Variants in PCDH15 observed in about 807,000 individuals in gnomAD.
The protein encoded by PCDH15 is protocadherin related 15.
PCDH15 carries 129 observed loss-of-function variants against 178.5 expected under a neutral mutation model. The observed-to-expected ratio is 0.72, with a 90% CI of 0.63 to 0.84. The LOEUF is 0.84. Among genes scored for constraint, PCDH15 ranks in the 40% least tolerant of loss-of-function variants. The pLI is 0.00. For missense variants in PCDH15, 2,230 were observed against 2,099.9 expected, an observed-to-expected ratio of 1.06 and a Z score of -1.21; for synonymous variants, 800 against 732.0, an observed-to-expected ratio of 1.09 and a Z score of -1.50.
intron 9 of PCDH15, 97 bp from the exon 10 acceptor site, chr10:54,214,145 A>G (rs1262779395): frequency 5.6e-6 from 4 of 714,514 alleles, no homozygotes; most frequent in Non-Finnish European, 1.0e-5. Context: ...GAACAAAGCT[A>G]CAATTTCATT....
intron 2 of PCDH15, among the ~76,000 whole-genome samples, chr10:55,620,223 A>C (rs1014213322): frequency 6.6e-6 from 1 of 152,120 alleles, no homozygotes; most frequent in African/African-American, 2.4e-5. Context: ...ATTGAAAAAC[A>C]TTCTTAAAGC....
chr10:53,833,175 C>T (rs780375794), intron 29 of PCDH15, among the ~76,000 whole-genome samples: 17 of 151,840 alleles, frequency 1.1e-4, no homozygotes, highest in Non-Finnish European at 2.2e-4. Flanking sequence ...AGAATCAGAT[C>T]CAGAAGAGGA....
chr10:54,441,289 C>T (rs1395413445), intron 3 of PCDH15, among the ~76,000 whole-genome samples: 3 of 151,852 alleles, frequency 2.0e-5, no homozygotes, highest in Non-Finnish European at 4.4e-5. Flanking sequence ...TACTATTCTA[C>T]CCCAATCAAC....
At chr10:54,813,214 T>C (rs943318283) in intron 3 of PCDH15, among the ~76,000 whole-genome samples, 3 of 152,194 alleles carry the variant, frequency 2.0e-5, no homozygotes, top group African/African-American at 7.2e-5. Context: ...CTAGGCACTT[T>C]TCTCAATACA....
intron 3 of PCDH15, among the ~76,000 whole-genome samples, chr10:54,397,038 TG>T (rs535921752): frequency 6.6e-6 from 1 of 152,136 alleles, no homozygotes; most frequent in Non-Finnish European, 1.5e-5. Context: ...GTTTCTGAAT[TG>T]CAATAAAGTC....
At chr10:54,008,196 A>C in intron 20 of PCDH15, among the ~76,000 whole-genome samples, 1 of 152,180 alleles carries the variant, frequency 6.6e-6, no homozygotes, top group Non-Finnish European at 1.5e-5. Flanking sequence ...TCTAGAGTTA[A>C]ATGTTAAGTT....
intron 2 of PCDH15, among the ~76,000 whole-genome samples, chr10:55,558,661 A>C (rs753132428): frequency 8.5e-5 from 13 of 152,134 alleles, no homozygotes; most frequent in Non-Finnish European, 1.3e-4. Context: ...AACACTATAC[A>C]TAACATTATC....
At chr10:53,899,893 T>A (rs377586788) in intron 26 of PCDH15, among the ~76,000 whole-genome samples, 1 of 152,350 alleles carries the variant, frequency 6.6e-6, no homozygotes. Context: ...TATTACTCCC[T>A]TCCGCTCGTA....
At chr10:54,211,002 A>C (rs2051371173) in intron 10 of PCDH15, among the ~76,000 whole-genome samples, 1 of 152,136 alleles carries the variant, frequency 6.6e-6, no homozygotes, top group Admixed American at 6.6e-5. Context: ...TGGCCTTAAT[A>C]ATTAATGACT....
chr10:54,640,015 G>T (rs1937391), intron 2 of PCDH15, among the ~76,000 whole-genome samples: 80,800 of 151,852 alleles, frequency 0.53, 21,536 homozygotes, highest in African/African-American at 0.54. Context: ...AGCCCAGGAG[G>T]TCAAAGCTGT....
intron 2 of PCDH15, among the ~76,000 whole-genome samples, chr10:54,604,649 C>T (rs2092673745): frequency 6.6e-6 from 1 of 151,798 alleles, no homozygotes; most frequent in Non-Finnish European, 1.5e-5. Context: ...TCATGTTTAA[C>T]TATGTGTGTC....
chr10:54,075,184 T>G (rs2094318494), intron 17 of PCDH15, among the ~76,000 whole-genome samples: 2 of 152,144 alleles, frequency 1.3e-5, no homozygotes, highest in Admixed American at 1.3e-4. Flanking sequence ...GAGACCATCC[T>G]GGCTAACACA....
intron 10 of PCDH15, among the ~76,000 whole-genome samples, chr10:54,209,582 A>G (rs573970400): frequency 6.6e-6 from 1 of 152,220 alleles, no homozygotes; most frequent in South Asian, 2.1e-4. Flanking sequence ...AAGGTTTGGA[A>G]TTTTTAAAGG....
intron 2 of PCDH15, among the ~76,000 whole-genome samples, chr10:55,352,369 A>G (rs1236663751): frequency 1.3e-5 from 2 of 152,132 alleles, no homozygotes; most frequent in Non-Finnish European, 2.9e-5. Flanking sequence ...TCAAACATGA[A>G]CGATGCATTT....
At chr10:54,045,181 A>C (rs1411102490) in intron 18 of PCDH15, among the ~76,000 whole-genome samples, 1 of 150,202 alleles carries the variant, frequency 6.7e-6, no homozygotes, top group East Asian at 1.9e-4. Context: ...ATGACAAATC[A>C]AGGGTTCAGG....
chr10:54,321,629 C>A (rs1286037337), intron 7 of PCDH15, among the ~76,000 whole-genome samples: 1 of 151,848 alleles, frequency 6.6e-6, no homozygotes, highest in Non-Finnish European at 1.5e-5. Context: ...AGTCTGTCAG[C>A]ATCAAATCTC....
intron 3 of PCDH15, 90 bp from the exon 4 acceptor site, chr10:54,379,032 A>T (rs1208786580): frequency 1.4e-5 from 20 of 1,439,424 alleles, no homozygotes; most frequent in Non-Finnish European, 1.8e-5. Flanking sequence ...GCTGGCTCAC[A>T]ATCAGTTTTA....
intron 3 of PCDH15, among the ~76,000 whole-genome samples, chr10:54,380,978 A>C (rs1949162874): frequency 6.6e-6 from 1 of 151,250 alleles, no homozygotes; most frequent in Admixed American, 6.6e-5. Flanking sequence ...ACTCAACAAA[A>C]AATCTTTCTA....
chr10:54,208,731 G>A (rs1591180257), intron 10 of PCDH15, among the ~76,000 whole-genome samples: 1 of 151,998 alleles, frequency 6.6e-6, no homozygotes, highest in Non-Finnish European at 1.5e-5. Flanking sequence ...GTGTGTGTGT[G>A]CGTGTGCGTG....
Sources: gnomAD v4.1 joint callset for allele counts (sites outside exome capture counted in the v4.1 genomes callset) on GRCh38, gnomAD v4.1.1 for gene constraint, MANE v1.5 for transcripts, NCBI Gene and HGNC (gene_info 2026-07-23, HGNC 2026-07-21) for gene names.